Variants in ADGRB3 observed in about 807,000 individuals in gnomAD.
ADGRB3 encodes brain-specific angiogenesis inhibitor 3.
Under a neutral mutation model 193.4 loss-of-function variants are expected in ADGRB3, and 37 were observed. The observed-to-expected ratio is 0.19, with a 90% CI of 0.15 to 0.25. The LOEUF is 0.25. ADGRB3 is among the 10% of genes least tolerant of loss of function. ADGRB3 has a pLI of 1.00. For missense variants in ADGRB3, 1,637 were observed against 1,852.9 expected (o/e 0.88, Z 2.14); for synonymous variants, 690 against 644.2 (o/e 1.07, Z -1.08).
intron 3 of ADGRB3, among the ~76,000 whole-genome samples, chr6:68,901,573 A>G (rs1033178401): frequency 6.6e-6 from 1 of 152,224 alleles, no homozygotes; most frequent in Non-Finnish European, 1.5e-5. Flanking sequence ...TATTTGCTAC[A>G]CTAAGTAAAT....
intron 11 of ADGRB3, among the ~76,000 whole-genome samples, chr6:69,009,509 G>A (rs1463555376): frequency 6.6e-6 from 1 of 152,052 alleles, no homozygotes; most frequent in African/African-American, 2.4e-5. Flanking sequence ...AGTACAAATA[G>A]AGTATGGGGC....
intron 29 of ADGRB3, among the ~76,000 whole-genome samples, chr6:69,368,586 G>A (rs1769636383): frequency 6.6e-6 from 1 of 152,058 alleles, no homozygotes; most frequent in African/African-American, 2.4e-5. Context: ...ATGAATTATG[G>A]TATCCAGAAG....
chr6:68,698,118 G>C (rs1765186578), intron 3 of ADGRB3, among the ~76,000 whole-genome samples: 1 of 151,402 alleles, frequency 6.6e-6, no homozygotes, highest in South Asian at 2.1e-4. Flanking sequence ...TAACTATTAT[G>C]GTTATAATAT....
At chr6:69,387,046 A>C (rs913564988) in intron 31 of ADGRB3, among the ~76,000 whole-genome samples, 2 of 152,052 alleles carry the variant, frequency 1.3e-5, no homozygotes, top group Admixed American at 6.6e-5. Context: ...ATTGATCCAC[A>C]CGTTCTGCCA....
intron 3 of ADGRB3, among the ~76,000 whole-genome samples, chr6:68,836,964 C>A (rs1440633790): frequency 6.6e-6 from 1 of 152,056 alleles, no homozygotes; most frequent in Non-Finnish European, 1.5e-5. Context: ...AAAAAAGTAA[C>A]CTGCCTTTTG....
chr6:69,252,364 T>C (rs1169178919), intron 20 of ADGRB3, among the ~76,000 whole-genome samples: 1 of 152,174 alleles, frequency 6.6e-6, no homozygotes, highest in Admixed American at 6.6e-5. Context: ...TGTTTCAAAA[T>C]TTTTGTAAAA....
chr6:69,043,078 A>G (rs1315417794), intron 13 of ADGRB3, among the ~76,000 whole-genome samples: 1 of 152,106 alleles, frequency 6.6e-6, no homozygotes, highest in Non-Finnish European at 1.5e-5. Context: ...TGCAGTGGAA[A>G]TACTGAATTT....
chr6:69,283,649 A>T (rs181725445), intron 20 of ADGRB3, among the ~76,000 whole-genome samples: 1 of 152,158 alleles, frequency 6.6e-6, no homozygotes, highest in East Asian at 1.9e-4. Context: ...TATGGAAAAA[A>T]AAAAGCCATA....
chr6:68,772,665 G>A (rs974495721), intron 3 of ADGRB3, among the ~76,000 whole-genome samples: 1 of 151,294 alleles, frequency 6.6e-6, no homozygotes, highest in South Asian at 2.1e-4. Context: ...TAAACATCTC[G>A]ACACAAATTA....
chr6:69,092,701 A>C (rs921572364), intron 17 of ADGRB3, among the ~76,000 whole-genome samples: 1 of 152,192 alleles, frequency 6.6e-6, no homozygotes, highest in African/African-American at 2.4e-5. Flanking sequence ...TAAGCAAAAA[A>C]GTACATAGAA....
At chr6:69,175,633 G>A (rs1161989965) in intron 17 of ADGRB3, among the ~76,000 whole-genome samples, 1 of 152,014 alleles carries the variant, frequency 6.6e-6, no homozygotes, top group Non-Finnish European at 1.5e-5. Context: ...GCTCTTCTTT[G>A]GTTTCATATG....
intron 20 of ADGRB3, among the ~76,000 whole-genome samples, chr6:69,304,716 T>G (rs1321981): frequency 0.37 from 56,251 of 151,294 alleles, 11,097 homozygotes; most frequent in Middle Eastern, 0.49. Flanking sequence ...CTTGACTCCT[T>G]CTCTGACTTG....
chr6:69,147,401 C>T (rs7747753), intron 17 of ADGRB3, among the ~76,000 whole-genome samples: 97,201 of 152,038 alleles, frequency 0.64, 32,307 homozygotes, highest in East Asian at 0.95. Context: ...TTTTATTACA[C>T]ACTGGTCATT....
At chr6:68,822,500 A>T (rs182166629) in intron 3 of ADGRB3, among the ~76,000 whole-genome samples, 2 of 152,020 alleles carry the variant, frequency 1.3e-5, no homozygotes, top group East Asian at 3.9e-4. Context: ...TCATAGTAAG[A>T]GTAGCTTAAA....
Position 68,648,801 on chromosome 6 carries a change from T to A in ADGRB3, c.757+9369T>A, listed in dbSNP as rs549855465. 6.7e-4 allele frequency among the ~76,000 whole-genome samples: 101 copies of A among 150,982 alleles called. No individual in the cohort carries two copies. In the East Asian group the frequency reaches 9.3e-3, roughly 14 times the overall value. On this transcript the variant is annotated intron_variant, in intron 3 of 31. Transcript: ENST00000370598. ...TTTTAAAATTTTGATAATTTTTTTT[T>A]AAATTTCTATATTTATGTACCTAAA...
At chr6:69,207,232 T>A (rs1265577306) in intron 17 of ADGRB3, among the ~76,000 whole-genome samples, 1 of 152,070 alleles carries the variant, frequency 6.6e-6, no homozygotes. Context: ...GTCGCAGGAA[T>A]GGGAAGCAAA....
intron 3 of ADGRB3, among the ~76,000 whole-genome samples, chr6:68,776,272 A>C (rs1766745372): frequency 6.6e-6 from 1 of 152,162 alleles, no homozygotes; most frequent in Non-Finnish European, 1.5e-5. Context: ...TAGTTCAAAA[A>C]GTCATGATAT....
At chr6:68,659,279 A>C (rs1180970126) in intron 3 of ADGRB3, among the ~76,000 whole-genome samples, 2 of 150,808 alleles carry the variant, frequency 1.3e-5, no homozygotes, top group Non-Finnish European at 3.0e-5. Context: ...AGAGGAACTA[A>C]TCAAAACAAA....
intron 3 of ADGRB3, among the ~76,000 whole-genome samples, chr6:68,694,033 G>T (rs1365936121): frequency 1.3e-5 from 2 of 151,862 alleles, no homozygotes; most frequent in East Asian, 3.9e-4. Flanking sequence ...GCATATTTAT[G>T]AATTACCAAA....
Sources: allele counts gnomAD v4.1 joint callset (sites outside exome capture counted in the v4.1 genomes callset), GRCh38; gene constraint gnomAD v4.1.1; transcripts MANE v1.5; gene names NCBI Gene and HGNC (gene_info 2026-07-23, HGNC 2026-07-21).